CMIP: variants seen among roughly 807,000 people sequenced by gnomAD.
CMIP encodes the protein c-Maf inducing protein, also known as C-Maf-inducing protein.
A neutral mutation model predicts 97.3 loss-of-function variants in CMIP; 13 were observed. The ratio of observed to expected loss-of-function variants is 0.13; its 90% CI spans 0.09 to 0.21. CMIP has a LOEUF of 0.21. Among genes scored for constraint, CMIP ranks in the 10% least tolerant of loss-of-function variants. CMIP has a pLI of 1.00. For synonymous variants in CMIP, 538 were observed against 436.3 expected, an observed-to-expected ratio of 1.23 and a Z score of -2.91; for missense variants, 847 against 1,024.9, an observed-to-expected ratio of 0.83 and a Z score of 2.37.
intron 1 of CMIP, among the ~76,000 whole-genome samples, chr16:81,571,095 G>A (rs2091078870): frequency 6.6e-6 from 1 of 152,102 alleles, no homozygotes; most frequent in African/African-American, 2.4e-5. Flanking sequence ...ATGAGGTGTG[G>A]GTATGCGTAT....
At chr16:81,680,383 G>C (rs995826440) in intron 10 of CMIP, among the ~76,000 whole-genome samples, 4 of 152,222 alleles carry the variant, frequency 2.6e-5, no homozygotes, top group African/African-American at 9.6e-5. Flanking sequence ...CCTGTGCTCT[G>C]CTAGCAAGGC....
At position 81,616,642 on chromosome 16, in the gene CMIP, A is replaced by G. The variant is rs1355491933; in HGVS notation, c.427-4234A>G. The stretch of plus-strand genomic sequence containing the variant: ...TTCCTGGACTGCCACACCGACCTCC[A>G]AGAGTTGAGAGGATCCCAGAGTGGA... On this transcript the variant is annotated intron_variant, in intron 2 of 20. Coordinates refer to ENST00000537098, the MANE Select transcript of CMIP (RefSeq NM_198390.3). This position sits in a 1 kb window ranked among gnomAD's most constrained non-coding sequence, Gnocchi z 4.7. 6.6e-6 allele frequency among the ~76,000 whole-genome samples: 1 copy of G among 152,170 alleles called. No individual in the cohort carries two copies.
intron 7 of CMIP, among the ~76,000 whole-genome samples, chr16:81,668,298 C>G (rs1389517226): frequency 1.3e-5 from 2 of 152,164 alleles, no homozygotes; most frequent in Admixed American, 6.5e-5. Context: ...GCCCGAGGGG[C>G]TGGCAGTCCC....
chr16:81,522,352 A>C (rs2090044914), intron 1 of CMIP, among the ~76,000 whole-genome samples: 1 of 152,192 alleles, frequency 6.6e-6, no homozygotes, highest in Admixed American at 6.5e-5. Flanking sequence ...AAGCACACCC[A>C]GAGCTCCCTG....
At chr16:81,653,757 C>T (rs2092454095) in intron 4 of CMIP, among the ~76,000 whole-genome samples, 1 of 152,204 alleles carries the variant, frequency 6.6e-6, no homozygotes, top group Non-Finnish European at 1.5e-5. Context: ...AGATTACAGG[C>T]GTGCGCCACC....
chr16:81,538,764 G>A (rs184163245), intron 1 of CMIP, among the ~76,000 whole-genome samples: 1 of 152,034 alleles, frequency 6.6e-6, no homozygotes, highest in Non-Finnish European at 1.5e-5. Context: ...AAAATAGCAC[G>A]TGATATTCCA....
At chr16:81,701,968 A>G (rs1390874044) in intron 16 of CMIP, among the ~76,000 whole-genome samples, 168 bp downstream of exon 16, 1 of 152,214 alleles carries the variant, frequency 6.6e-6, no homozygotes, top group East Asian at 1.9e-4. Flanking sequence ...AGGTAATCAA[A>G]GAGAAGCAAA....
intron 1 of CMIP, among the ~76,000 whole-genome samples, chr16:81,467,272 G>T (rs188374247): frequency 4.6e-5 from 7 of 152,282 alleles, no homozygotes; most frequent in African/African-American, 1.4e-4. Flanking sequence ...TCCCATCCCA[G>T]ATGAGGCGCT....
intron 17 of CMIP, 49 bp downstream of exon 17, chr16:81,702,718 TC>T: frequency 6.4e-7 from 1 of 1,567,626 alleles, no homozygotes; most frequent in Admixed American, 1.7e-5. Context: ...GGTGGGTTGG[TC>T]CTCTCTGTTG....
At chr16:81,613,648 A>G (rs2091867072) in intron 2 of CMIP, among the ~76,000 whole-genome samples, 2 of 152,230 alleles carry the variant, frequency 1.3e-5, no homozygotes, top group African/African-American at 4.8e-5. Flanking sequence ...AAACACTGCC[A>G]TGATCATTTT....
chr16:81,686,994 C>A (rs982228378), intron 10 of CMIP, among the ~76,000 whole-genome samples: 1 of 152,126 alleles, frequency 6.6e-6, no homozygotes, highest in Non-Finnish European at 1.5e-5. Context: ...CCAACACAGA[C>A]CACTGGACAA....
chr16:81,494,100 A>T (rs1158628889), intron 1 of CMIP, among the ~76,000 whole-genome samples: 1 of 152,196 alleles, frequency 6.6e-6, no homozygotes, highest in Non-Finnish European at 1.5e-5. Context: ...GTCCACCTGG[A>T]TGAAGAATGT....
chr16:81,534,842 C>G (rs1170808707), intron 1 of CMIP, among the ~76,000 whole-genome samples: 2 of 152,314 alleles, frequency 1.3e-5, no homozygotes, highest in African/African-American at 2.4e-5. Flanking sequence ...TTATCAGATA[C>G]TAAATTTTTC....
At chr16:81,676,150 T>G (rs1286283644) in intron 9 of CMIP, among the ~76,000 whole-genome samples, 1 of 151,856 alleles carries the variant, frequency 6.6e-6, no homozygotes, top group Non-Finnish European at 1.5e-5. Context: ...GTGGCGAGGG[T>G]GAGATGGTGC....
chr16:81,623,496 T>A (rs147419055), intron 3 of CMIP, among the ~76,000 whole-genome samples: 116 of 152,306 alleles, frequency 7.6e-4, no homozygotes, highest in African/African-American at 2.3e-3. Context: ...TTTGGCTGTG[T>A]CTACAGCATG....
At chr16:81,547,622 G>C (rs2090572509) in intron 1 of CMIP, among the ~76,000 whole-genome samples, 2 of 152,104 alleles carry the variant, frequency 1.3e-5, no homozygotes, top group African/African-American at 4.8e-5. Flanking sequence ...GGGAGGAGGA[G>C]GAGGAGGAGG....
At chr16:81,609,296 C>G (rs1289767177) in intron 2 of CMIP, among the ~76,000 whole-genome samples, 1 of 152,130 alleles carries the variant, frequency 6.6e-6, no homozygotes, top group Non-Finnish European at 1.5e-5. Flanking sequence ...AGCTCCTCTG[C>G]CTCTTCACTC....
chr16:81,476,541 G>T, intron 1 of CMIP: 1 of 624,134 alleles, frequency 1.6e-6, no homozygotes, highest in South Asian at 1.5e-5. Context: ...CAGGTTTCCC[G>T]ACGGCGCCGG....
chr16:81,590,776 T>A (rs1381998621), intron 1 of CMIP, among the ~76,000 whole-genome samples: 4 of 152,288 alleles, frequency 2.6e-5, no homozygotes. Context: ...ATCTTTTGGT[T>A]CTCTGTGCAA....
Sources: allele counts gnomAD v4.1 joint callset (sites outside exome capture counted in the v4.1 genomes callset), GRCh38; gene constraint gnomAD v4.1.1; non-coding constraint Gnocchi (gnomAD v3.1); transcripts MANE v1.5; gene names NCBI Gene and HGNC (gene_info 2026-07-23, HGNC 2026-07-21).